Variants in KCNMA1 observed in about 807,000 individuals in gnomAD.
KCNMA1 encodes potassium calcium-activated channel subfamily M alpha 1.
In KCNMA1, 29 loss-of-function variants were observed where a neutral mutation model predicts 140.0. The ratio of observed to expected loss-of-function variants is 0.21; its 90% CI spans 0.15 to 0.28. The LOEUF (loss-of-function observed/expected upper bound fraction) is 0.28, where lower values mean the gene tolerates loss of function less well. Among genes scored for constraint, KCNMA1 ranks in the 10% least tolerant of loss-of-function variants. The probability of loss-of-function intolerance (pLI) is 1.00; values close to 1 mark genes in which losing one functional copy is unlikely to be tolerated. For synonymous variants in KCNMA1, 612 were observed against 611.9 expected (o/e 1.00, Z 0.00); for missense variants, 880 against 1,602.2 (o/e 0.55, Z 7.70).
chr10:76,924,734 A>G (rs535913704), intron 23 of KCNMA1, among the ~76,000 whole-genome samples: 17 of 68,458 alleles, frequency 2.5e-4, no homozygotes, highest in South Asian at 1.3e-3. Context: ...CAGGGCCCAG[A>G]GAGAGTTTTC....
intron 6 of KCNMA1, 101 bp from the exon 7 acceptor site, chr10:77,112,543 C>T: frequency 1.3e-6 from 1 of 782,662 alleles, no homozygotes; most frequent in Non-Finnish European, 2.3e-6. Context: ...GAGAGGCTGC[C>T]ACATCTAACT....
chr10:77,085,816 A>T (rs2096677531), intron 11 of KCNMA1, among the ~76,000 whole-genome samples: 1 of 152,232 alleles, frequency 6.6e-6, no homozygotes. Context: ...CCTGGCATGC[A>T]AATATTGAAC....
intron 2 of KCNMA1, among the ~76,000 whole-genome samples, chr10:77,261,818 T>C (rs139034980): frequency 8.7e-4 from 132 of 152,342 alleles, no homozygotes; most frequent in African/African-American, 2.9e-3. Context: ...TGTCCAAGTA[T>C]TGAAAAACCT....
intron 2 of KCNMA1, among the ~76,000 whole-genome samples, chr10:77,273,068 C>A (rs968910948): frequency 1.3e-5 from 2 of 152,134 alleles, no homozygotes; most frequent in Non-Finnish European, 2.9e-5. Context: ...ATTCATCTAC[C>A]CTTTTCTCTG....
At position 77,538,148 on chromosome 10, in the gene KCNMA1, C is replaced by T. The variant is rs1158629395; in HGVS notation, c.378+99117G>A. On this transcript the variant is annotated intron_variant, in intron 1 of 27. Transcript: ENST00000286628. Reference sequence around the variant, plus strand: ...CCCACATACTCTACATTCACATACACACTCTACACATACTCTAAACACACA... The same window carrying T: ...CCCACATACTCTACATTCACATACATACTCTACACATACTCTAAACACACA... Among the ~76,000 whole-genome samples the T allele has an allele frequency of 2.6e-5, 4 of 151,832 alleles. No individual in the cohort carries two copies. The South Asian group carries it at 6.2e-4, about 24-fold the overall frequency.
chr10:77,250,088 T>G (rs1000512494), intron 3 of KCNMA1: 2 of 152,232 alleles, frequency 1.3e-5, no homozygotes, highest in East Asian at 1.9e-4. Context: ...GGTGACCAGA[T>G]GGCTCTGAGA....
At chr10:77,298,945 C>T (rs1601714091) in intron 2 of KCNMA1, among the ~76,000 whole-genome samples, 2 of 152,344 alleles carry the variant, frequency 1.3e-5, no homozygotes, top group South Asian at 4.1e-4. Context: ...CGCCCCAGAG[C>T]ATCAGATGGG....
intron 17 of KCNMA1, among the ~76,000 whole-genome samples, chr10:77,018,614 G>T (rs1205806472): frequency 1.3e-5 from 2 of 152,076 alleles, no homozygotes; most frequent in African/African-American, 4.8e-5. Context: ...ATTCTATTTG[G>T]CAGGGAGAGT....
chr10:77,477,904 T>C (rs553388727), intron 1 of KCNMA1, among the ~76,000 whole-genome samples: 22 of 152,354 alleles, frequency 1.4e-4, no homozygotes, highest in African/African-American at 5.3e-4. Context: ...GTCTCAGTCA[T>C]GTTCTTTATA....
At chr10:77,338,097 T>C (rs1312050695) in intron 2 of KCNMA1, among the ~76,000 whole-genome samples, 1 of 152,162 alleles carries the variant, frequency 6.6e-6, no homozygotes, top group Non-Finnish European at 1.5e-5. Context: ...CAGCAAAGTA[T>C]CTGTAAGGGA....
At chr10:76,899,771 A>G (rs566275939) in intron 25 of KCNMA1, among the ~76,000 whole-genome samples, 3 of 152,300 alleles carry the variant, frequency 2.0e-5, no homozygotes, top group African/African-American at 7.2e-5. Context: ...AAATTTTTCA[A>G]CAATATGGTA....
chr10:77,055,217 A>G (rs530807449), intron 14 of KCNMA1, among the ~76,000 whole-genome samples: 56 of 152,302 alleles, frequency 3.7e-4, no homozygotes, highest in African/African-American at 1.2e-3. Flanking sequence ...ATTTGAAGAC[A>G]TTGAGAATAA....
intron 1 of KCNMA1, among the ~76,000 whole-genome samples, chr10:77,553,888 AC>A (rs2063472698): frequency 6.6e-6 from 1 of 152,072 alleles, no homozygotes; most frequent in Non-Finnish European, 1.5e-5. Flanking sequence ...GAGCATCAGA[AC>A]TCCCTGTGGA....
chr10:77,619,433 A>G (rs938069977), intron 1 of KCNMA1, among the ~76,000 whole-genome samples: 2 of 151,846 alleles, frequency 1.3e-5, no homozygotes, highest in African/African-American at 4.8e-5. Context: ...CCAGATAACA[A>G]ATGAACTGCC....
chr10:77,601,648 T>C (rs150466468), intron 1 of KCNMA1, among the ~76,000 whole-genome samples: 292 of 152,308 alleles, frequency 1.9e-3, no homozygotes, highest in African/African-American at 6.7e-3. Context: ...AGCAAGACAC[T>C]GGAGGCCACA....
At chr10:77,417,594 C>T (rs1463752931) in intron 1 of KCNMA1, among the ~76,000 whole-genome samples, 1 of 152,204 alleles carries the variant, frequency 6.6e-6, no homozygotes, top group Non-Finnish European at 1.5e-5. Context: ...ACATGCCCTA[C>T]CAGGCATGTC....
chr10:77,466,530 G>C (rs1341990454), intron 1 of KCNMA1, among the ~76,000 whole-genome samples: 1 of 152,176 alleles, frequency 6.6e-6, no homozygotes, highest in Non-Finnish European at 1.5e-5. Context: ...TCTAGTGAGA[G>C]ACAAAGGCCA....
At chr10:77,347,012 T>C (rs2092268592) in intron 2 of KCNMA1, among the ~76,000 whole-genome samples, 1 of 152,184 alleles carries the variant, frequency 6.6e-6, no homozygotes, top group Admixed American at 6.5e-5. Flanking sequence ...GAAAGTAAGG[T>C]TGCCAAGATT....
At chr10:77,429,322 GGGAGGCTGTCCTGTATATTGCA>G (rs1431989149) in intron 1 of KCNMA1, among the ~76,000 whole-genome samples, 2 of 152,118 alleles carry the variant, frequency 1.3e-5, no homozygotes, top group African/African-American at 2.4e-5. Context: ...TTTTTGTTGT[GGGAGGCTGTCCTGTATATTGCA>G]GGAGGTTTGG....
Sources: gnomAD v4.1 joint callset for allele counts (sites outside exome capture counted in the v4.1 genomes callset) on GRCh38, gnomAD v4.1.1 for gene constraint, MANE v1.5 for transcripts, NCBI Gene and HGNC (gene_info 2026-07-23, HGNC 2026-07-21) for gene names.